OPRK1: variants seen among roughly 807,000 people sequenced by gnomAD.
OPRK1 encodes kappa-type opioid receptor.
OPRK1 carries 15 observed loss-of-function variants against 24.5 expected under a neutral mutation model. That is an observed-to-expected ratio of 0.61 (90% CI 0.41 to 0.94). OPRK1 has a LOEUF of 0.94. Ranked by LOEUF, OPRK1 falls within the 40% of genes least tolerant of loss-of-function variation. OPRK1 has a pLI of 0.00. For missense variants in OPRK1, 479 were observed against 507.3 expected, an observed-to-expected ratio of 0.94 and a Z score of 0.54; for synonymous variants, 205 against 198.0, an observed-to-expected ratio of 1.04 and a Z score of -0.30.
chr8:53,231,164 T>C (rs573839052), intron 3 of OPRK1, among the ~76,000 whole-genome samples: 2 of 152,340 alleles, frequency 1.3e-5, no homozygotes, highest in African/African-American at 4.8e-5. Context: ...AAAAAAGTCA[T>C]TGTCCAAAGT....
chr8:53,229,345 C>T lies in OPRK1; in HGVS notation c.1095G>A (p.Gln365=). Reference sequence around the variant, plus strand: ...CGATGTCCCTCAGGTAAGCAGGATCCTGAACTGTATTTCGGACTCTGCTAG... The same window carrying T: ...CGATGTCCCTCAGGTAAGCAGGATCTTGAACTGTATTTCGGACTCTGCTAG... ...QSTSRVRNTV[Q]DPAYLRDIDG... is the part of the protein sequence containing the mutation. Residue 365 remains glutamine, a synonymous_variant, in exon 4 of 4, where the codon CAG becomes CAA. Transcript: ENST00000265572. 3 of 1,614,196 alleles carry T rather than the reference C, an allele frequency of 1.9e-6. No homozygotes were observed. The highest frequency in any genetic ancestry group is 2.5e-6 in the Non-Finnish European group (3 of 1,180,040).
intron 3 of OPRK1, among the ~76,000 whole-genome samples, chr8:53,232,507 A>T (rs116505199): frequency 0.019 from 2,855 of 152,260 alleles, 92 homozygotes; most frequent in African/African-American, 0.065. Context: ...GGTACCCCCT[A>T]AATATGTACA....
At chr8:53,232,880 C>T (rs75110515) in intron 3 of OPRK1, among the ~76,000 whole-genome samples, 7,126 of 152,244 alleles carry the variant, frequency 0.047, 541 homozygotes, top group African/African-American at 0.16. Flanking sequence ...TATGAATCCT[C>T]ACATAATACA....
Position 53,234,861 on chromosome 8 carries a change from G to A in OPRK1, c.508C>T (p.Arg170Cys), listed in dbSNP as rs201421010. The A allele has an allele frequency of 3.6e-5, 58 of 1,614,166 alleles. No individual in the cohort carries two copies. Among genetic ancestry groups the A allele is most frequent in the African/African-American group, 2.7e-5 (2 of 75,054 alleles). Residue 170 changes from arginine (R) to cysteine (C), a missense_variant, in exon 3 of 4, where the codon CGC becomes TGC. Physicochemically the swap from Arg to Cys is radical, Grantham distance 180 (BLOSUM62 -3). Coordinates refer to ENST00000265572, the MANE Select transcript of OPRK1 (RefSeq NM_000912.5). ...ATGATCTTTGCCTTCAAGGGTGTGC[G>A]GAAGTCCAAAGCCTTCACGGGGTGG... ...VCHPVKALDF[R>C]TPLKAKIINI...
rs546459906 is a variant in OPRK1, at chr8:53,234,182, C to CAAAAAAAAAAAAAAAAAAAAAAAAAAAA, written c.610+576_610+577insTTTTTTTTTTTTTTTTTTTTTTTTTTTT. 4.0e-4 allele frequency among the ~76,000 whole-genome samples: 26 copies of CAAAAAAAAAAAAAAAAAAAAAAAAAAAA among 65,356 alleles called. 2 individuals are homozygous for CAAAAAAAAAAAAAAAAAAAAAAAAAAAA. Among genetic ancestry groups the CAAAAAAAAAAAAAAAAAAAAAAAAAAAA allele is most frequent in the Middle Eastern group, 0.01 (1 of 96 alleles). 42.9% of individuals were successfully genotyped at this position (65,356 alleles called of 152,430 possible). On this transcript the variant is annotated intron_variant, in intron 3 of 3. Coordinates refer to ENST00000265572, the MANE Select transcript of OPRK1 (RefSeq NM_000912.5). ...CTGGCAACAGAGCAAGACTCTCTCT[C>CAAAAAAAAAAAAAAAAAAAAAAAAAAAA]AAAAAAAAAAAAAAAAAAAAATCAG...
chr8:53,251,073 G>A lies in OPRK1; in HGVS notation c.-36C>T. On this transcript the variant is annotated 5_prime_UTR_variant, in exon 2 of 4. Coordinates refer to ENST00000265572, the MANE Select transcript of OPRK1 (RefSeq NM_000912.5). ...TTGCAGCAGGAAGGCGAGGACAGGC[G>A]GCACCTGCGGCGCTGCGGGAGCGAA... 1 of 1,457,702 alleles carries A rather than the reference G, an allele frequency of 6.9e-7. No individual in the cohort carries two copies. Among genetic ancestry groups the A allele is most frequent in the Non-Finnish European group, 9.0e-7 (1 of 1,111,898 alleles). The allele number at this position is 1,457,702 out of a possible 1,614,324, so 90.3% of individuals were successfully genotyped here.
At chr8:53,249,965 T>C (rs936814970) in intron 2 of OPRK1, among the ~76,000 whole-genome samples, 7 of 152,154 alleles carry the variant, frequency 4.6e-5, no homozygotes, top group South Asian at 4.1e-4. Context: ...GTTTTCCTTT[T>C]CTTGTTTTTC....
chr8:53,228,971 A>G lies in OPRK1; in HGVS notation c.*326T>C, dbSNP rs1806782912. On this transcript the variant is annotated 3_prime_UTR_variant, in exon 4 of 4. Coordinates refer to ENST00000265572, the MANE Select transcript of OPRK1 (RefSeq NM_000912.5). Reference sequence around the variant, plus strand: ...CCGAGCTTTTGAAACTACGTTTCATAGGAAGGCCACAGCAGATGGGTGCTG... The same window carrying G: ...CCGAGCTTTTGAAACTACGTTTCATGGGAAGGCCACAGCAGATGGGTGCTG... The G allele has an allele frequency of 5.1e-6, 1 of 195,630 alleles. No individual in the cohort carries two copies. The highest frequency in any genetic ancestry group is 1.0e-5 in the Non-Finnish European group (1 of 97,202). The allele number at this position is 195,630 out of a possible 1,614,324, so 12.1% of individuals were successfully genotyped here. A position where few individuals can be genotyped will look rare whatever the true frequency, so the allele number is the denominator to read the frequency against.
intron 2 of OPRK1, among the ~76,000 whole-genome samples, chr8:53,245,160 T>A (rs1274876432): frequency 6.6e-6 from 1 of 152,222 alleles, no homozygotes; most frequent in Non-Finnish European, 1.5e-5. Context: ...CATGGTTGGT[T>A]GAATCCATGG....
Position 53,226,374 on chromosome 8 carries a change from G to A in OPRK1, c.*2923C>T, listed in dbSNP as rs888261132. The A allele has an allele frequency of 4.6e-5, 7 of 152,232 alleles. No homozygotes were observed. Among genetic ancestry groups the A allele is most frequent in the African/African-American group, 1.4e-4 (6 of 41,430 alleles). The allele number at this position is 152,232 out of a possible 1,614,324, so 9.4% of individuals were successfully genotyped here. A position where few individuals can be genotyped will look rare whatever the true frequency, so the allele number is the denominator to read the frequency against. ...CCTCAGTGCTGCCCCTGCATGGCTG[G>A]TTCATTTCTCTGTGCCTTCTCTGAC... On this transcript the variant is annotated 3_prime_UTR_variant, in exon 4 of 4. Transcript: ENST00000265572.
At position 53,229,424 on chromosome 8, in the gene OPRK1, C is replaced by G. The variant is rs375147223; in HGVS notation, c.1016G>C (p.Arg339Pro). 22 of 1,614,060 alleles carry G rather than the reference C, an allele frequency of 1.4e-5. No individual in the cohort carries two copies. Among genetic ancestry groups the G allele is most frequent in the Non-Finnish European group, 1.0e-5 (12 of 1,180,050 alleles). Residue 339 changes from arginine to proline, a missense_variant, in exon 4 of 4, where the codon CGG becomes CCG. Arg to Pro is a moderately radical substitution (Grantham distance 103). Coordinates refer to ENST00000265572, the MANE Select transcript of OPRK1 (RefSeq NM_000912.5). The stretch of plus-strand genomic sequence containing the variant: ...TGGAAAGCAGAAGTCCCGGAAACAC[C>G]GCTTGAAGTTTTCATCAAGAAAGGC... ...LYAFLDENFK[R>P]CFRDFCFPLK... is the part of the protein sequence containing the mutation.
chr8:53,237,332 T>C (rs1034266107), intron 2 of OPRK1, among the ~76,000 whole-genome samples: 3 of 152,258 alleles, frequency 2.0e-5, no homozygotes, highest in African/African-American at 7.2e-5. Flanking sequence ...CATCTTTAAG[T>C]AGTCATACAA....
In OPRK1 at chr8:53,234,182, C is replaced by CAAAAAAAAAAAAAAAAAAAAAA. The variant is rs546459906; in HGVS notation, c.610+576_610+577insTTTTTTTTTTTTTTTTTTTTTT. Reference sequence around the variant, plus strand: ...CTGGCAACAGAGCAAGACTCTCTCTCAAAAAAAAAAAAAAAAAAAAATCAG... The same window carrying CAAAAAAAAAAAAAAAAAAAAAA: ...CTGGCAACAGAGCAAGACTCTCTCTCAAAAAAAAAAAAAAAAAAAAAAAAAAAAAAAAAAAAAAAAAAATCAG... On this transcript the variant is annotated intron_variant, in intron 3 of 3. Transcript: ENST00000265572. Among the ~76,000 whole-genome samples the CAAAAAAAAAAAAAAAAAAAAAA allele has an allele frequency of 2.4e-3, 155 of 65,256 alleles. 8 individuals carry two copies. The highest frequency in any genetic ancestry group is 0.01 in the Middle Eastern group (1 of 98). 42.8% of individuals were successfully genotyped at this position (65,256 alleles called of 152,430 possible). A position where few individuals can be genotyped will look rare whatever the true frequency, so the allele number is the denominator to read the frequency against.
At chr8:53,240,030 C>T (rs544260007) in intron 2 of OPRK1, among the ~76,000 whole-genome samples, 20 of 152,254 alleles carry the variant, frequency 1.3e-4, no homozygotes, top group African/African-American at 3.9e-4. Context: ...CTGATGAGGA[C>T]GGTCAAGTAT....
At chr8:53,250,005 C>CA (rs1221975508) in intron 2 of OPRK1, among the ~76,000 whole-genome samples, 2 of 151,060 alleles carry the variant, frequency 1.3e-5, no homozygotes, top group Admixed American at 6.6e-5. Flanking sequence ...CTTTGCTTAC[C>CA]AAAAAATTAG....
At chr8:53,232,397 T>C (rs891034279) in intron 3 of OPRK1, among the ~76,000 whole-genome samples, 3 of 152,212 alleles carry the variant, frequency 2.0e-5, no homozygotes, top group African/African-American at 4.8e-5. Context: ...GAAATTGGAA[T>C]GTTCCTAACA....
At chr8:53,232,634 T>C (rs892073342) in intron 3 of OPRK1, among the ~76,000 whole-genome samples, 3 of 152,180 alleles carry the variant, frequency 2.0e-5, no homozygotes, top group African/African-American at 7.2e-5. Context: ...GGTTGAAGTA[T>C]CCATACAACT....
intron 3 of OPRK1, among the ~76,000 whole-genome samples, chr8:53,231,540 G>C (rs1263348302): frequency 6.6e-6 from 1 of 152,074 alleles, no homozygotes; most frequent in African/African-American, 2.4e-5. Context: ...TTGTCTACAT[G>C]TTATATTCAC....
In OPRK1 at chr8:53,227,824, A is replaced by G. The variant is rs199731502; in HGVS notation, c.*1473T>C. 3 of 151,910 alleles carry G rather than the reference A, an allele frequency of 2.0e-5. No homozygotes were observed. Among genetic ancestry groups the G allele is most frequent in the Non-Finnish European group, 2.9e-5 (2 of 68,016 alleles). The allele number at this position is 151,910 out of a possible 1,614,324, so 9.4% of individuals were successfully genotyped here. A position where few individuals can be genotyped will look rare whatever the true frequency, so the allele number is the denominator to read the frequency against. On this transcript the variant is annotated 3_prime_UTR_variant, in exon 4 of 4. Coordinates refer to ENST00000265572, the MANE Select transcript of OPRK1 (RefSeq NM_000912.5). The stretch of plus-strand genomic sequence containing the variant: ...CAGTTGTAATGATGTCTGTAGTTAC[A>G]TAGGGCTATATATTCAATTTTTCTA...
Sources: allele counts gnomAD v4.1 joint callset (sites outside exome capture counted in the v4.1 genomes callset), GRCh38; gene constraint gnomAD v4.1.1; transcripts MANE v1.5; gene names NCBI Gene and HGNC (gene_info 2026-07-23, HGNC 2026-07-21).